Variants in PCSK6 observed in about 807,000 individuals in gnomAD.
PCSK6 encodes paired basic amino acid cleaving enzyme 4.
Under a neutral mutation model 123.3 loss-of-function variants are expected in PCSK6, and 85 were observed. That is an observed-to-expected ratio of 0.69 (90% CI 0.58 to 0.83). The LOEUF (loss-of-function observed/expected upper bound fraction) is 0.83, where lower values mean the gene tolerates loss of function less well. Among genes scored for constraint, PCSK6 ranks in the 40% least tolerant of loss-of-function variants. The pLI is 0.00. For missense variants in PCSK6, 1,191 were observed against 1,282.3 expected, an observed-to-expected ratio of 0.93 and a Z score of 1.09; for synonymous variants, 508 against 516.0, an observed-to-expected ratio of 0.98 and a Z score of 0.21.
At position 101,340,945 on chromosome 15, in the gene PCSK6, A is replaced by ATT. The variant is rs34151107; in HGVS notation, c.1859-8916_1859-8915dup. ...TAAGGCATTTATGTGCTTCTCCCAAATTTTTTTTTTTTTTTTTTGAGACAG... is the reference window on the plus strand; with the variant it reads ...TAAGGCATTTATGTGCTTCTCCCAAATTTTTTTTTTTTTTTTTTTTGAGACAG... On this transcript the variant is annotated intron_variant, in intron 13 of 21. Coordinates refer to ENST00000611716, the MANE Select transcript of PCSK6 (RefSeq NM_002570.5). Among the ~76,000 whole-genome samples the ATT allele has an allele frequency of 2.9e-3, 405 of 139,406 alleles. 2 individuals carry two copies. In the Middle Eastern group the frequency reaches 0.029, roughly 10 times the overall value. 91.5% of individuals were successfully genotyped at this position (139,406 alleles called of 152,430 possible). A position where few individuals can be genotyped will look rare whatever the true frequency, so the allele number is the denominator to read the frequency against.
At chr15:101,329,543 T>C (rs1026619264) in intron 15 of PCSK6, among the ~76,000 whole-genome samples, 18 of 152,352 alleles carry the variant, frequency 1.2e-4, no homozygotes, top group African/African-American at 4.3e-4. Flanking sequence ...GGCCTCTGCT[T>C]GAGCCTGTCG....
intron 13 of PCSK6, among the ~76,000 whole-genome samples, chr15:101,359,200 T>A (rs539364843): frequency 2.6e-5 from 4 of 152,314 alleles, no homozygotes; most frequent in African/African-American, 9.6e-5. Context: ...TGCAGGAATG[T>A]GCATACTCTC....
chr15:101,335,596 C>A (rs991316053), intron 13 of PCSK6, among the ~76,000 whole-genome samples: 4 of 152,222 alleles, frequency 2.6e-5, no homozygotes, highest in African/African-American at 4.8e-5. Flanking sequence ...TGGTAACACA[C>A]CTGCTAGCAC....
At chr15:101,458,226 T>A (rs2057240923) in intron 1 of PCSK6, among the ~76,000 whole-genome samples, 1 of 152,166 alleles carries the variant, frequency 6.6e-6, no homozygotes, top group South Asian at 2.1e-4. Flanking sequence ...CAACTATTTC[T>A]AGGTTGGTGG....
At chr15:101,396,735 T>C (rs570495639) in intron 7 of PCSK6, among the ~76,000 whole-genome samples, 12 of 152,228 alleles carry the variant, frequency 7.9e-5, no homozygotes, top group African/African-American at 2.2e-4. Context: ...AGCAGCCTCA[T>C]TGAAGCTGCC....
chr15:101,406,779 C>T (rs1027357064), intron 6 of PCSK6, among the ~76,000 whole-genome samples: 5 of 152,000 alleles, frequency 3.3e-5, no homozygotes, highest in African/African-American at 7.2e-5. Flanking sequence ...TGGGGACGCG[C>T]GGGGGATCAC....
At chr15:101,360,508 C>A (rs552390501) in intron 13 of PCSK6, among the ~76,000 whole-genome samples, 3 of 121,988 alleles carry the variant, frequency 2.5e-5, no homozygotes, top group African/African-American at 9.5e-5. Flanking sequence ...GCCTTAGCAT[C>A]CCCTGGAACA....
intron 13 of PCSK6, chr15:101,347,750 C>G (rs754646451): frequency 6.2e-7 from 1 of 1,613,826 alleles, no homozygotes; most frequent in Non-Finnish European, 8.5e-7. Context: ...CAATCTGCCA[C>G]CGGAACACGT....
Position 101,397,847 on chromosome 15 carries a change from G to A in PCSK6, c.996+557C>T, listed in dbSNP as rs1041421481. Among the ~76,000 whole-genome samples, 6 of 152,386 alleles carry A rather than the reference G, an allele frequency of 3.9e-5. No homozygotes were observed. In the South Asian group the frequency reaches 1.2e-3, roughly 32 times the overall value. On this transcript the variant is annotated intron_variant, in intron 7 of 21. Coordinates refer to ENST00000611716, the MANE Select transcript of PCSK6 (RefSeq NM_002570.5). The stretch of plus-strand genomic sequence containing the variant: ...CTGCCAGCCTCCCCTTGGCCCATCG[G>A]CAGAGAAGCATCTTTGCCCTGCTTA...
intron 1 of PCSK6, among the ~76,000 whole-genome samples, chr15:101,453,342 C>T (rs562585259): frequency 8.5e-5 from 13 of 152,346 alleles, no homozygotes; most frequent in South Asian, 2.1e-4. Flanking sequence ...CCCTGCTCCC[C>T]GCAGGCTGCC....
chr15:101,314,846 G>C (rs572424822), intron 19 of PCSK6, among the ~76,000 whole-genome samples: 4 of 152,196 alleles, frequency 2.6e-5, no homozygotes, highest in Non-Finnish European at 5.9e-5. Context: ...CCCCGGGGGC[G>C]GGACTCTGTC....
intron 9 of PCSK6, among the ~76,000 whole-genome samples, chr15:101,387,552 G>GA (rs750079473): frequency 2.0e-5 from 3 of 152,210 alleles, no homozygotes; most frequent in Non-Finnish European, 4.4e-5. Context: ...TAACCGCATG[G>GA]AAAATATGTC....
chr15:101,396,915 G>A (rs953307337), intron 7 of PCSK6, among the ~76,000 whole-genome samples: 13 of 152,224 alleles, frequency 8.5e-5, no homozygotes, highest in Admixed American at 3.9e-4. Context: ...AGGGACAGGT[G>A]GGTAGATACC....
At chr15:101,384,204 A>C in intron 10 of PCSK6, 118 bp downstream of exon 10, 1 of 1,492,672 alleles carries the variant, frequency 6.7e-7, no homozygotes, top group South Asian at 1.4e-5. Context: ...AATTCTTGTG[A>C]CACACAATTA....
At chr15:101,473,143 T>C (rs907178590) in intron 1 of PCSK6, among the ~76,000 whole-genome samples, 10 of 152,312 alleles carry the variant, frequency 6.6e-5, no homozygotes, top group Middle Eastern at 3.4e-3. Context: ...GGCATGATCA[T>C]AGCTCACTGC....
chr15:101,393,074 A>C, intron 8 of PCSK6, 138 bp downstream of exon 8: 2 of 754,772 alleles, frequency 2.6e-6, no homozygotes, highest in South Asian at 3.0e-5. Context: ...TTGTTCGCCG[A>C]TGGGTGAGGC....
intron 13 of PCSK6, among the ~76,000 whole-genome samples, chr15:101,359,243 C>A (rs1179455089): frequency 6.6e-6 from 1 of 152,232 alleles, no homozygotes; most frequent in Non-Finnish European, 1.5e-5. Flanking sequence ...TCCCCGCCCC[C>A]CAAATTCCAG....
At chr15:101,379,992 G>A (rs2041869145) in intron 11 of PCSK6, among the ~76,000 whole-genome samples, 1 of 152,126 alleles carries the variant, frequency 6.6e-6, no homozygotes, top group South Asian at 2.1e-4. Flanking sequence ...TTAAGCAAGT[G>A]ATCTGATAAG....
intron 6 of PCSK6, among the ~76,000 whole-genome samples, chr15:101,403,190 A>G (rs1212800381): frequency 6.8e-6 from 1 of 146,826 alleles, no homozygotes; most frequent in Non-Finnish European, 1.5e-5. Flanking sequence ...CAAACACCGC[A>G]TGTTCTCACT....
Sources: allele counts gnomAD v4.1 joint callset (sites outside exome capture counted in the v4.1 genomes callset), GRCh38; gene constraint gnomAD v4.1.1; transcripts MANE v1.5; gene names NCBI Gene and HGNC (gene_info 2026-07-23, HGNC 2026-07-21).